The following NEBL variants were observed in gnomAD, a reference collection of about 807,000 sequenced individuals.
NEBL encodes the protein LIM and SH3 protein 2.
NEBL carries 122 observed loss-of-function variants against 140.2 expected under a neutral mutation model. That is an observed-to-expected ratio of 0.87 (90% CI 0.75 to 1.01). NEBL has a LOEUF of 1.01. Ranked by LOEUF, NEBL falls within the 50% of genes least tolerant of loss-of-function variation. The pLI is 0.00. For missense variants in NEBL, 1,365 were observed against 1,231.3 expected (o/e 1.11, Z -1.62); for synonymous variants, 436 against 398.9 (o/e 1.09, Z -1.11).
chr10:21,123,837 A>G (rs1168139578), intron 2 of NEBL, among the ~76,000 whole-genome samples: 1 of 151,078 alleles, frequency 6.6e-6, no homozygotes, highest in Non-Finnish European at 1.5e-5. Flanking sequence ...ATGTATATGT[A>G]TATCTCCAAC....
intron 20 of NEBL, chr10:20,818,684 G>A (rs1048983780): frequency 2.1e-5 from 12 of 567,142 alleles, no homozygotes; most frequent in Non-Finnish European, 2.7e-5. Flanking sequence ...AGGTCCTTGA[G>A]GATAGAAAGT....
intron 2 of NEBL, among the ~76,000 whole-genome samples, chr10:20,894,057 C>T (rs555956887): frequency 2.3e-4 from 35 of 152,264 alleles, no homozygotes; most frequent in Admixed American, 3.9e-4. Context: ...TACCACTCTG[C>T]ACAGTTCTGA....
In NEBL at chr10:21,029,725, GA is replaced by G. The variant is rs1456680581; in HGVS notation, c.165-9525del. 7 of 863,544 alleles carry G rather than the reference GA, an allele frequency of 8.1e-6. No homozygotes were observed. In the East Asian group the frequency reaches 1.7e-4, roughly 21 times the overall value. 53.5% of individuals were successfully genotyped at this position (863,544 alleles called of 1,614,324 possible). On this transcript the variant is annotated intron_variant, in intron 2 of 6. Transcript: ENST00000417816. Reference sequence around the variant, plus strand: ...CCGTGGGTATTGGTATGAGTATCGGGATGGCCCATGCCGGGATATGGATCGA... The same window carrying G: ...CCGTGGGTATTGGTATGAGTATCGGGTGGCCCATGCCGGGATATGGATCGA...
At chr10:21,180,641 T>A (rs1240271337) in intron 3 of NEBL, among the ~76,000 whole-genome samples, 2 of 152,164 alleles carry the variant, frequency 1.3e-5, no homozygotes, top group Non-Finnish European at 2.9e-5. Flanking sequence ...CATCTTCTGA[T>A]CCAGAACCCT....
At chr10:21,097,563 T>C (rs532702577) in intron 2 of NEBL, among the ~76,000 whole-genome samples, 1 of 152,358 alleles carries the variant, frequency 6.6e-6, no homozygotes, top group South Asian at 2.1e-4. Context: ...ATGAGTCATT[T>C]TGTATATTGC....
chr10:21,239,140 T>C (rs905869949), intron 3 of NEBL, among the ~76,000 whole-genome samples: 1 of 152,184 alleles, frequency 6.6e-6, no homozygotes, highest in African/African-American at 2.4e-5. Flanking sequence ...CCAAGTCTTC[T>C]ATCTTGAATT....
chr10:21,015,982 G>T (rs890243547), intron 3 of NEBL, among the ~76,000 whole-genome samples: 1 of 152,208 alleles, frequency 6.6e-6, no homozygotes, highest in Non-Finnish European at 1.5e-5. Context: ...AGCAGTAAAA[G>T]CCTGATGCCC....
intron 1 of NEBL, among the ~76,000 whole-genome samples, chr10:21,261,292 C>A (rs1842736917): frequency 6.6e-6 from 1 of 152,140 alleles, no homozygotes; most frequent in Non-Finnish European, 1.5e-5. Flanking sequence ...GGAAAATTAT[C>A]CTGATTCCAA....
At position 21,145,536 on chromosome 10, in the gene NEBL, A is replaced by ATATG. The variant is rs553133971; in HGVS notation, c.164+26843_164+26846dup. 2.4e-4 allele frequency among the ~76,000 whole-genome samples: 36 copies of ATATG among 152,342 alleles called. No homozygotes were observed. The East Asian group carries it at 5.2e-3, about 22-fold the overall frequency. ...CGGTAAGTATCTGTTGAATAAATGAATATGTATACACCTTTTCATAGCACT... is the reference window on the plus strand; with the variant it reads ...CGGTAAGTATCTGTTGAATAAATGAATATGTATGTATACACCTTTTCATAGCACT... On this transcript the variant is annotated intron_variant, in intron 2 of 6. Coordinates refer to the NEBL transcript ENST00000417816.
chr10:20,790,276 G>A (rs1835838626), intron 26 of NEBL, among the ~76,000 whole-genome samples: 1 of 151,650 alleles, frequency 6.6e-6, no homozygotes, highest in Non-Finnish European at 1.5e-5. Context: ...CCTTATACTT[G>A]GTACAATAAA....
intron 4 of NEBL, among the ~76,000 whole-genome samples, chr10:20,928,608 G>A (rs955191571): frequency 2.0e-5 from 3 of 152,182 alleles, no homozygotes; most frequent in African/African-American, 7.2e-5. Context: ...GCCCAAAACT[G>A]TAGACATATT....
At chr10:21,260,885 G>C (rs1842728947) in intron 1 of NEBL, among the ~76,000 whole-genome samples, 1 of 152,172 alleles carries the variant, frequency 6.6e-6, no homozygotes, top group African/African-American at 2.4e-5. Context: ...ATCTTGCAGT[G>C]AAAGTTAAAA....
At chr10:20,922,564 G>C (rs945696305) in intron 4 of NEBL, among the ~76,000 whole-genome samples, 3 of 152,230 alleles carry the variant, frequency 2.0e-5, no homozygotes, top group Non-Finnish European at 4.4e-5. Context: ...ATTATGGACA[G>C]ATGGGCATTT....
intron 3 of NEBL, among the ~76,000 whole-genome samples, chr10:20,998,418 T>C (rs933341249): frequency 2.0e-5 from 3 of 152,192 alleles, no homozygotes; most frequent in South Asian, 4.1e-4. Flanking sequence ...GTAAATAATG[T>C]CTGTTATTGT....
At chr10:20,987,877 C>G (rs1257721083) in intron 3 of NEBL, among the ~76,000 whole-genome samples, 2 of 152,154 alleles carry the variant, frequency 1.3e-5, no homozygotes, top group African/African-American at 4.8e-5. Flanking sequence ...CTGACTCCAC[C>G]TACTGGAATT....
At chr10:20,862,207 A>T (rs1843771233) in intron 7 of NEBL, among the ~76,000 whole-genome samples, 1 of 152,226 alleles carries the variant, frequency 6.6e-6, no homozygotes, top group South Asian at 2.1e-4. Flanking sequence ...AAGAAACAAT[A>T]ATCAATCTGT....
At chr10:21,097,920 G>T (rs1366779142) in intron 2 of NEBL, among the ~76,000 whole-genome samples, 1 of 152,064 alleles carries the variant, frequency 6.6e-6, no homozygotes, top group Non-Finnish European at 1.5e-5. Flanking sequence ...TTTTTTCCTT[G>T]TTTAATGGTC....
chr10:20,813,724 GAC>G, intron 23 of NEBL: 1 of 552,442 alleles, frequency 1.8e-6, no homozygotes, highest in South Asian at 2.1e-5. Flanking sequence ...TAGAAATAAA[GAC>G]ACACCAGAAA....
intron 2 of NEBL, among the ~76,000 whole-genome samples, chr10:21,028,251 A>AGAAGAAGAAGAAG (rs1554819362): frequency 8.1e-5 from 3 of 36,870 alleles, no homozygotes; most frequent in East Asian, 2.0e-3. Flanking sequence ...AAAAAAAAAA[A>AGAAGAAGAAGAAG]AAAAAGAAGA....
Sources: allele counts gnomAD v4.1 joint callset (sites outside exome capture counted in the v4.1 genomes callset), GRCh38; gene constraint gnomAD v4.1.1; transcripts MANE v1.5; gene names NCBI Gene and HGNC (gene_info 2026-07-23, HGNC 2026-07-21).